Variants in KLHL1 observed in about 807,000 individuals in gnomAD.
KLHL1 encodes kelch like family member 1.
A neutral mutation model predicts 77.7 loss-of-function variants in KLHL1; 47 were observed. The ratio of observed to expected loss-of-function variants is 0.60; its 90% CI spans 0.48 to 0.77. KLHL1 has a LOEUF of 0.77. KLHL1 is among the 30% of genes least tolerant of loss of function. KLHL1 has a pLI of 0.00. For synonymous variants in KLHL1, 360 were observed against 325.2 expected (o/e 1.11, Z -1.15); for missense variants, 925 against 910.8 (o/e 1.02, Z -0.20).
At chr13:69,882,521 A>G in intron 4 of KLHL1, 26 bp from the exon 5 acceptor site, 1 of 1,529,722 alleles carries the variant, frequency 6.5e-7, no homozygotes, top group Non-Finnish European at 9.0e-7. Flanking sequence ...ATCTTGGCAT[A>G]AATTCTGTTT....
chr13:69,921,658 T>A (rs375188365), intron 4 of KLHL1, among the ~76,000 whole-genome samples: 3 of 152,166 alleles, frequency 2.0e-5, no homozygotes, highest in African/African-American at 7.2e-5. Context: ...CCCTTTTACA[T>A]GCCCTCACTC....
At chr13:69,928,604 A>G (rs1882891979) in intron 4 of KLHL1, among the ~76,000 whole-genome samples, 2 of 152,196 alleles carry the variant, frequency 1.3e-5, no homozygotes, top group African/African-American at 2.4e-5. Flanking sequence ...CAAATAAATA[A>G]ATTACTGATA....
rs1314124455 is a variant in KLHL1, at chr13:69,855,305, TAGATA to T, written c.1228-16148_1228-16144del. Among the ~76,000 whole-genome samples the T allele has an allele frequency of 3.4e-3, 355 of 103,534 alleles. 5 individuals are homozygous for T. Among genetic ancestry groups the T allele is most frequent in the African/African-American group, 0.013 (328 of 25,816 alleles). The allele number at this position is 103,534 out of a possible 152,430, so 67.9% of individuals were successfully genotyped here. A position where few individuals can be genotyped will look rare whatever the true frequency, so the allele number is the denominator to read the frequency against. On this transcript the variant is annotated intron_variant, in intron 5 of 10. Coordinates refer to ENST00000377844, the MANE Select transcript of KLHL1 (RefSeq NM_020866.3). ...TACTAATTTTAGATAGATAGATAGA[TAGATA>T]GATAGATAGATAGATAGATAGATAG...
chr13:69,940,061 C>T lies in KLHL1; in HGVS notation c.993G>A (p.Lys331=). The T allele has an allele frequency of 1.2e-6, 2 of 1,607,696 alleles. No homozygotes were observed. Among genetic ancestry groups the T allele is most frequent in the South Asian group, 1.1e-5 (1 of 90,114 alleles). Residue 331 remains lysine, a synonymous_variant, in exon 4 of 11, where the codon AAG becomes AAA. Coordinates refer to ENST00000377844, the MANE Select transcript of KLHL1 (RefSeq NM_020866.3). The part of the protein sequence containing the change: ...ADAQGCIELM[K]VAHSYTMENI... The stretch of plus-strand genomic sequence containing the variant: ...TTACCATTGTGTAGCTGTGGGCCAC[C>T]TTCATTAACTCAATGCATCCTTGAG...
chr13:70,077,623 AT>A (rs1887295910), intron 1 of KLHL1, among the ~76,000 whole-genome samples: 4 of 152,196 alleles, frequency 2.6e-5, no homozygotes, highest in Admixed American at 2.6e-4. Context: ...GGTTTCATCA[AT>A]TGTAATAAGT....
intron 6 of KLHL1, among the ~76,000 whole-genome samples, chr13:69,836,906 TTA>T (rs1400938714): frequency 2.0e-5 from 3 of 151,968 alleles, no homozygotes; most frequent in Admixed American, 1.3e-4. Flanking sequence ...GTATTCATTA[TTA>T]TATATGTGAT....
chr13:69,999,929 T>C (rs1303360517), intron 1 of KLHL1, among the ~76,000 whole-genome samples: 1 of 152,036 alleles, frequency 6.6e-6, no homozygotes, highest in African/African-American at 2.4e-5. Context: ...CCAAATCTCA[T>C]ATTAAACTTT....
chr13:69,884,426 C>T (rs866539113), intron 4 of KLHL1, among the ~76,000 whole-genome samples: 1 of 64,918 alleles, frequency 1.5e-5, no homozygotes, highest in Middle Eastern at 0.01. Flanking sequence ...TCAGATTTTT[C>T]AAAAAAAAAA....
At chr13:70,001,319 T>C (rs755198202) in intron 1 of KLHL1, among the ~76,000 whole-genome samples, 2 of 151,158 alleles carry the variant, frequency 1.3e-5, no homozygotes, top group African/African-American at 2.4e-5. Context: ...TCTGCAAACA[T>C]TTAAAAACCA....
At chr13:70,032,119 T>A (rs905194429) in intron 1 of KLHL1, among the ~76,000 whole-genome samples, 1 of 152,220 alleles carries the variant, frequency 6.6e-6, no homozygotes, top group Non-Finnish European at 1.5e-5. Flanking sequence ...AAAGGTTTAT[T>A]GTAAACATTT....
intron 6 of KLHL1, among the ~76,000 whole-genome samples, chr13:69,832,069 A>C (rs2138096119): frequency 6.7e-6 from 1 of 150,098 alleles, no homozygotes; most frequent in South Asian, 2.1e-4. Context: ...TACCACTTGG[A>C]TTCAACATAA....
intron 7 of KLHL1, among the ~76,000 whole-genome samples, chr13:69,750,862 T>C (rs557852142): frequency 3.2e-4 from 49 of 152,180 alleles, no homozygotes; most frequent in African/African-American, 1.1e-3. Context: ...TGGTTGCACA[T>C]TGAAATCACC....
At chr13:69,875,307 A>G (rs1880724972) in intron 5 of KLHL1, among the ~76,000 whole-genome samples, 1 of 152,122 alleles carries the variant, frequency 6.6e-6, no homozygotes, top group South Asian at 2.1e-4. Context: ...GTGAAAATGA[A>G]TATGACTAAT....
chr13:70,028,921 G>T (rs936983257), intron 1 of KLHL1, among the ~76,000 whole-genome samples: 1 of 151,434 alleles, frequency 6.6e-6, no homozygotes, highest in Admixed American at 6.6e-5. Context: ...TGGCTGCAGT[G>T]AGCTGTGATT....
intron 3 of KLHL1, among the ~76,000 whole-genome samples, chr13:69,951,444 G>C (rs1229294479): frequency 6.6e-6 from 1 of 151,496 alleles, no homozygotes; most frequent in Non-Finnish European, 1.5e-5. Flanking sequence ...GTAGAACCAG[G>C]TTATACTGAA....
intron 1 of KLHL1, among the ~76,000 whole-genome samples, chr13:70,047,918 A>G (rs1467226779): frequency 6.6e-6 from 1 of 152,206 alleles, no homozygotes; most frequent in African/African-American, 2.4e-5. Flanking sequence ...AAAATCTTGG[A>G]TATGACATTT....
At chr13:69,911,153 A>AT (rs1209469797) in intron 4 of KLHL1, among the ~76,000 whole-genome samples, 2 of 151,740 alleles carry the variant, frequency 1.3e-5, no homozygotes, top group Non-Finnish European at 2.9e-5. Context: ...TTTAATTCTT[A>AT]TTTTTTCATT....
chr13:69,780,696 A>ATG (rs1164246215), intron 7 of KLHL1, among the ~76,000 whole-genome samples: 2 of 16,426 alleles, frequency 1.2e-4, no homozygotes, highest in African/African-American at 7.4e-4. Flanking sequence ...ATATATATAT[A>ATG]TATATGTATA....
At chr13:69,964,666 C>A (rs957510062) in intron 2 of KLHL1, among the ~76,000 whole-genome samples, 1 of 152,102 alleles carries the variant, frequency 6.6e-6, no homozygotes, top group Non-Finnish European at 1.5e-5. Flanking sequence ...AATCTTAATT[C>A]ATTTTACACT....
Sources: gnomAD v4.1 joint callset for allele counts (sites outside exome capture counted in the v4.1 genomes callset) on GRCh38, gnomAD v4.1.1 for gene constraint, MANE v1.5 for transcripts, NCBI Gene and HGNC (gene_info 2026-07-23, HGNC 2026-07-21) for gene names.